Variants in GRM8 observed in about 807,000 individuals in gnomAD.
GRM8 encodes metabotropic glutamate receptor 8.
A neutral mutation model predicts 87.2 loss-of-function variants in GRM8; 47 were observed. The ratio of observed to expected loss-of-function variants is 0.54; its 90% confidence interval spans 0.43 to 0.69. GRM8 has a LOEUF of 0.69. Among genes scored for constraint, GRM8 ranks in the 30% least tolerant of loss-of-function variants. The pLI is 0.00. For synonymous variants in GRM8, 396 were observed against 404.5 expected, an observed-to-expected ratio of 0.98 and a Z score of 0.25; for missense variants, 1,019 against 1,139.2, an observed-to-expected ratio of 0.89 and a Z score of 1.52.
intron 8 of GRM8, among the ~76,000 whole-genome samples, chr7:126,549,100 C>T (rs1373355918): frequency 6.6e-6 from 1 of 151,956 alleles, no homozygotes; most frequent in Non-Finnish European, 1.5e-5. Flanking sequence ...AAGCTTCTTC[C>T]TCAAACCACT....
intron 7 of GRM8, among the ~76,000 whole-genome samples, chr7:126,750,129 T>C (rs1020483737): frequency 3.3e-5 from 5 of 152,098 alleles, no homozygotes; most frequent in African/African-American, 1.2e-4. Context: ...AATTGTGATA[T>C]GCAAAAAGGG....
intron 6 of GRM8, among the ~76,000 whole-genome samples, chr7:126,900,670 G>A (rs1017821051): frequency 1.8e-4 from 28 of 152,002 alleles, no homozygotes; most frequent in African/African-American, 6.5e-4. Context: ...CCACACGCCG[G>A]GCTAATTTTT....
chr7:127,208,615 TCCCTCAA>T (rs1796047603), intron 2 of GRM8, among the ~76,000 whole-genome samples: 1 of 152,178 alleles, frequency 6.6e-6, no homozygotes, highest in African/African-American at 2.4e-5. Context: ...CCATGCCTCT[TCCCTCAA>T]GGAAGTCAGG....
At chr7:126,800,548 G>C (rs1167064844) in intron 6 of GRM8, among the ~76,000 whole-genome samples, 1 of 152,038 alleles carries the variant, frequency 6.6e-6, no homozygotes, top group Non-Finnish European at 1.5e-5. Flanking sequence ...TTGTTTCTTT[G>C]ACCAGCCTCT....
At chr7:127,222,214 T>C (rs1253194849) in intron 2 of GRM8, among the ~76,000 whole-genome samples, 1 of 152,216 alleles carries the variant, frequency 6.6e-6, no homozygotes, top group Non-Finnish European at 1.5e-5. Context: ...AAGGCCAGCC[T>C]GGCCAATGTG....
chr7:127,208,095 A>G (rs1796015510), intron 2 of GRM8, among the ~76,000 whole-genome samples: 1 of 152,182 alleles, frequency 6.6e-6, no homozygotes, highest in Admixed American at 6.5e-5. Flanking sequence ...TTCTCCTAAT[A>G]AGAGACCATG....
intron 7 of GRM8, among the ~76,000 whole-genome samples, chr7:126,646,154 C>G (rs79051810): frequency 6.6e-6 from 1 of 152,044 alleles, no homozygotes; most frequent in African/African-American, 2.4e-5. Flanking sequence ...CCTGCCAACA[C>G]TTAACCTATC....
intron 3 of GRM8, among the ~76,000 whole-genome samples, chr7:127,097,494 C>A (rs971075898): frequency 6.6e-6 from 1 of 152,162 alleles, no homozygotes; most frequent in East Asian, 1.9e-4. Context: ...AGGTAATTAA[C>A]AAATCAAGCA....
chr7:126,717,406 TAA>T (rs1242119414), intron 7 of GRM8, among the ~76,000 whole-genome samples: 2 of 151,760 alleles, frequency 1.3e-5, no homozygotes, highest in Non-Finnish European at 2.9e-5. Flanking sequence ...GTGCTGGGAG[TAA>T]GCGGGCTCAC....
At chr7:126,880,645 G>A (rs1799944207) in intron 6 of GRM8, among the ~76,000 whole-genome samples, 1 of 152,166 alleles carries the variant, frequency 6.6e-6, no homozygotes, top group Non-Finnish European at 1.5e-5. Flanking sequence ...CATCACATGG[G>A]CAAGAATGCA....
intron 3 of GRM8, among the ~76,000 whole-genome samples, chr7:127,104,632 C>G (rs1292167235): frequency 2.0e-5 from 3 of 152,076 alleles, no homozygotes; most frequent in Non-Finnish European, 4.4e-5. Flanking sequence ...AATGGACAAC[C>G]AATCAAGTCA....
chr7:126,725,719 G>A (rs1298496224), intron 7 of GRM8, among the ~76,000 whole-genome samples: 1 of 152,206 alleles, frequency 6.6e-6, no homozygotes. Context: ...TATGCAGGTT[G>A]TATAAGAAGC....
intron 3 of GRM8, among the ~76,000 whole-genome samples, chr7:126,984,456 G>A (rs965780612): frequency 6.6e-6 from 1 of 152,110 alleles, no homozygotes; most frequent in East Asian, 1.9e-4. Context: ...AATATAAAGT[G>A]GGCAGAAAAA....
intron 3 of GRM8, among the ~76,000 whole-genome samples, chr7:126,946,091 T>C (rs1027068995): frequency 9.9e-5 from 15 of 152,252 alleles, no homozygotes; most frequent in Non-Finnish European, 2.1e-4. Context: ...GTGAGTTGGT[T>C]TGGCCTACAG....
In GRM8 at chr7:126,881,147, C is replaced by T. The variant is rs368047884; in HGVS notation, c.1156+21395G>A. Among the ~76,000 whole-genome samples, 15 of 152,228 alleles carry T rather than the reference C, an allele frequency of 9.9e-5. 1 individual carries two copies. The highest frequency in any genetic ancestry group is 3.4e-4 in the African/African-American group (14 of 41,532). On this transcript the variant is annotated intron_variant, in intron 6 of 10. Transcript: ENST00000339582. Reference sequence around the variant, plus strand: ...CCAGAAAAAAAAATAGAATTCATCCCAGAGTGTTCAAATAAAGAGATTTTA... The same window carrying T: ...CCAGAAAAAAAAATAGAATTCATCCTAGAGTGTTCAAATAAAGAGATTTTA...
chr7:127,075,389 T>C (rs1225753103), intron 3 of GRM8, among the ~76,000 whole-genome samples: 2 of 152,168 alleles, frequency 1.3e-5, no homozygotes, highest in African/African-American at 4.8e-5. Flanking sequence ...TTTAGTAAAA[T>C]GGAAGTGATT....
chr7:126,622,760 A>G (rs571867344), intron 7 of GRM8, among the ~76,000 whole-genome samples: 1 of 152,322 alleles, frequency 6.6e-6, no homozygotes, highest in African/African-American at 2.4e-5. Flanking sequence ...CTATCCCCAC[A>G]GACTCATTCA....
At chr7:126,915,053 G>A (rs890266392) in intron 3 of GRM8, among the ~76,000 whole-genome samples, 3 of 152,216 alleles carry the variant, frequency 2.0e-5, no homozygotes, top group East Asian at 1.9e-4. Flanking sequence ...TCGGGTCTAG[G>A]TAGGTTCACA....
chr7:127,220,627 G>T (rs1302297062), intron 2 of GRM8, among the ~76,000 whole-genome samples: 1 of 151,882 alleles, frequency 6.6e-6, no homozygotes, highest in Non-Finnish European at 1.5e-5. Context: ...TGGGACTATA[G>T]GTGCATGCCA....
Sources: allele counts gnomAD v4.1 joint callset (sites outside exome capture counted in the v4.1 genomes callset), GRCh38; gene constraint gnomAD v4.1.1; transcripts MANE v1.5; gene names NCBI Gene and HGNC (gene_info 2026-07-23, HGNC 2026-07-21).